Variants in DDX3X observed in about 807,000 individuals in gnomAD.
DDX3X encodes ATP-dependent RNA helicase DDX3X.
Under a neutral mutation model 52.7 loss-of-function variants are expected in DDX3X, and 4 were observed. The ratio of observed to expected loss-of-function variants is 0.08; its 90% CI spans 0.04 to 0.17. The LOEUF is 0.17. Among genes scored for constraint, DDX3X ranks in the 10% least tolerant of loss-of-function variants. The pLI is 1.00. For missense variants in DDX3X, 222 were observed against 548.6 expected (o/e 0.40, Z 5.95); for synonymous variants, 192 against 178.1 (o/e 1.08, Z -0.62).
Position 41,334,277 on chromosome X carries a change from G to A in DDX3X, c.25G>A (p.Ala9Thr). 8.3e-7 allele frequency: 1 copy of A among 1,211,535 alleles called. No homozygotes were observed. Among genetic ancestry groups the A allele is most frequent in the Non-Finnish European group, 1.1e-6 (1 of 895,250 alleles). Residue 9 changes from alanine (A) to threonine (T), a missense_variant, in exon 1 of 17, where the codon GCG becomes ACG. Coordinates refer to ENST00000644876, the MANE Select transcript of DDX3X (RefSeq NM_001356.5). ...GATGAGTCATGTGGCAGTGGAAAAT[G>A]CGCTCGGGCTGGACCAGCAGGTGAG... MSHVAVEN[A>T]LGLDQQFAGL...
chrX:41,353,297 CAAAA>C (rs61067509), downstream of DDX3X, among the ~76,000 whole-genome samples: 4 of 46,038 alleles, frequency 8.7e-5, no homozygotes, highest in Non-Finnish European at 1.6e-4. Flanking sequence ...ACTAAAAATA[CAAAA>C]AAAAAAAAAA....
chrX:41,361,534 T>C (rs1375580224), intron 5 of DDX3X, among the ~76,000 whole-genome samples: 1 of 110,356 alleles, frequency 9.1e-6, no homozygotes, highest in East Asian at 2.8e-4. Context: ...TAAAAAAAAG[T>C]CACAGTCACC....
In DDX3X at chrX:41,343,149, T is replaced by G. The variant is rs1049962341; in HGVS notation, c.544-67T>G. On this transcript the variant is annotated intron_variant, in intron 6 of 16. Transcript: ENST00000644876. ...ACCAATCAGCTGTTGGTTGGTTGTT[T>G]CCATTATTAGTATAAAACAGAAATA... The G allele has an allele frequency of 8.1e-6, 9 of 1,115,176 alleles. No homozygotes were observed. The African/African-American group carries it at 1.1e-4, about 14-fold the overall frequency. 91.9% of individuals were successfully genotyped at this position (1,115,176 alleles called of 1,213,427 possible).
intron 1 of DDX3X, chrX:41,334,821 G>C (rs1224146481): frequency 1.2e-6 from 1 of 862,725 alleles, no homozygotes; most frequent in African/African-American, 2.1e-5. Context: ...TCGGGGTAAT[G>C]GCGGCGGCCT....
chrX:41,335,787 CAT>C (rs1200001738), intron 1 of DDX3X: 2 of 112,374 alleles, frequency 1.8e-5, no homozygotes, highest in African/African-American at 3.2e-5. Context: ...ATTGCTGACA[CAT>C]GTTGAATTGA....
downstream of DDX3X, among the ~76,000 whole-genome samples, chrX:41,352,181 TC>T: frequency 9.0e-6 from 1 of 111,039 alleles, no homozygotes; most frequent in East Asian, 2.8e-4. Flanking sequence ...CCCAATTTCC[TC>T]CCCCCTCTTC....
rs1387415525 is a variant in DDX3X at position 41,349,034 on chromosome X, C to G, written c.*1315C>G. The G allele has an allele frequency of 8.9e-6, 1 of 112,366 alleles. No individual in the cohort carries two copies. The highest frequency in any genetic ancestry group is 1.9e-5 in the Non-Finnish European group (1 of 53,295). 9.3% of individuals were successfully genotyped at this position (112,366 alleles called of 1,213,427 possible). The stretch of plus-strand genomic sequence containing the variant: ...AGCATTGTCCACCACTAAAATGCCT[C>G]TGCCACTTTGAATTCTGTGCTAATT... On this transcript the variant is annotated 3_prime_UTR_variant, in exon 17 of 17. Coordinates refer to ENST00000644876, the MANE Select transcript of DDX3X (RefSeq NM_001356.5).
rs1169127900 is a variant in DDX3X at position 41,347,772 on chromosome X, G to A, written c.*53G>A. 1 of 828,972 alleles carries A rather than the reference G, an allele frequency of 1.2e-6. No individual in the cohort carries two copies. The highest frequency in any genetic ancestry group is 2.1e-5 in the African/African-American group (1 of 48,301). The allele number at this position is 828,972 out of a possible 1,213,427, so 68.3% of individuals were successfully genotyped here. ...AAACAAGCTAATATGGAAACCACATGTAACTTAGCCAGACTATACCTTGTG... is the reference window on the plus strand; with the variant it reads ...AAACAAGCTAATATGGAAACCACATATAACTTAGCCAGACTATACCTTGTG... On this transcript the variant is annotated 3_prime_UTR_variant, in exon 17 of 17. Coordinates refer to ENST00000644876, the MANE Select transcript of DDX3X (RefSeq NM_001356.5).
chrX:41,351,020 A>C (rs1602141428), downstream of DDX3X: 1 of 112,183 alleles, frequency 8.9e-6, no homozygotes. Context: ...TTTTTAGGGC[A>C]GAATTTTGAC....
At chrX:41,354,961 C>T (rs182125480), downstream of DDX3X, among the ~76,000 whole-genome samples, 7,710 of 109,154 alleles carry the variant, frequency 0.071, 285 homozygotes, top group East Asian at 0.36. Flanking sequence ...GCTGGGATTA[C>T]AGGTGCATGA....
intron 6 of DDX3X, 171 bp from the exon 7 acceptor site, chrX:41,343,045 C>T (rs2063872140): frequency 1.6e-6 from 1 of 612,748 alleles, no homozygotes; most frequent in African/African-American, 2.3e-5. Flanking sequence ...CCAAAGTCTT[C>T]TCCAATGTGC....
At chrX:41,333,907 A>G (rs2063714243), upstream of DDX3X, 3 of 186,550 alleles carry the variant, frequency 1.6e-5, no homozygotes, top group South Asian at 1.7e-4. Context: ...CTAGGGTTTT[A>G]GCGGAGAGCA....
chrX:41,344,423 TTTTTG>T (rs751906773), intron 10 of DDX3X, 24 bp downstream of exon 10: 333 of 1,203,796 alleles, frequency 2.8e-4, no homozygotes, highest in Middle Eastern at 4.9e-4. Flanking sequence ...TGTTTTTGTT[TTTTTG>T]TTTTGTTTTG....
upstream of DDX3X, chrX:41,334,041 A>G (rs2063716204): frequency 7.0e-6 from 3 of 428,332 alleles, no homozygotes; most frequent in East Asian, 7.8e-5. Flanking sequence ...AGCGCGCAGT[A>G]GCCGGGCAGA....
At chrX:41,341,702 A>G (rs940449710) in intron 4 of DDX3X, 86 bp downstream of exon 4, 2 of 919,966 alleles carry the variant, frequency 2.2e-6, no homozygotes, top group African/African-American at 3.9e-5. Context: ...GATGTTAAGC[A>G]TTATGTCTGT....
chrX:41,361,231 G>T (rs902242875), intron 5 of DDX3X, among the ~76,000 whole-genome samples: 4 of 109,320 alleles, frequency 3.7e-5, no homozygotes, highest in African/African-American at 1.3e-4. Flanking sequence ...AGTCACAGTC[G>T]GCCGGGCATG....
At chrX:41,343,509 G>A (rs2063880844) in intron 7 of DDX3X, 158 bp downstream of exon 7, 1 of 549,533 alleles carries the variant, frequency 1.8e-6, no homozygotes, top group Non-Finnish European at 2.8e-6. Context: ...TATTGGTTAC[G>A]GCTGTATTCC....
At position 41,347,387 on chromosome X, in the gene DDX3X, C is replaced by T. The variant is rs1602137720; in HGVS notation, c.1845C>T (p.Ser615=). Residue 615 remains serine, a synonymous_variant, in exon 16 of 17, where the codon AGC becomes AGT. Coordinates refer to ENST00000644876, the MANE Select transcript of DDX3X (RefSeq NM_001356.5). ...GTGCCAGCAGTTCCAGCTTCAGCAGCAGCCGCGCAAGCAGCAGCCGCAGTG... is the reference window on the plus strand; with the variant it reads ...GTGCCAGCAGTTCCAGCTTCAGCAGTAGCCGCGCAAGCAGCAGCCGCAGTG... The part of the protein sequence containing the change: ...SSGASSSSFS[S]SRASSSRSGG... 1 of 1,211,550 alleles carries T rather than the reference C, an allele frequency of 8.3e-7. No individual in the cohort carries two copies. The highest frequency in any genetic ancestry group is 1.1e-6 in the Non-Finnish European group (1 of 895,296).
chrX:41,337,642 C>CTTTTTTTTT (rs5902274), intron 2 of DDX3X, 177 bp downstream of exon 2: 1 of 227,312 alleles, frequency 4.4e-6, no homozygotes. Flanking sequence ...GCATCGTTGC[C>CTTTTTTTTT]TTTTTTTTTT....
Sources: gnomAD v4.1 joint callset for allele counts (sites outside exome capture counted in the v4.1 genomes callset) on GRCh38, gnomAD v4.1.1 for gene constraint, MANE v1.5 for transcripts, NCBI Gene and HGNC (gene_info 2026-07-23, HGNC 2026-07-21) for gene names.